The following TWIST2 variants were observed in gnomAD, a reference collection of about 807,000 sequenced individuals.
TWIST2 encodes the protein twist-related protein 2.
Under a neutral mutation model 11.6 loss-of-function variants are expected in TWIST2, and 1 was observed. That is an observed-to-expected ratio of 0.09 (90% CI 0.03 to 0.41). The LOEUF (loss-of-function observed/expected upper bound fraction) is 0.41. TWIST2 is among the 10% of genes least tolerant of loss of function. TWIST2 has a pLI of 0.98. For missense variants in TWIST2, 168 were observed against 226.4 expected, an observed-to-expected ratio of 0.74 and a Z score of 1.66; for synonymous variants, 87 against 96.6, an observed-to-expected ratio of 0.90 and a Z score of 0.58.
At chr2:238,881,479 A>G (rs1253500315) in intron 1 of TWIST2, among the ~76,000 whole-genome samples, 1 of 151,794 alleles carries the variant, frequency 6.6e-6, no homozygotes, top group Non-Finnish European at 1.5e-5. Flanking sequence ...TAGTGTTAGT[A>G]TCTATTAGTG....
chr2:238,848,162 G>C lies in TWIST2; in HGVS notation c.-54G>C. The C allele has an allele frequency of 8.4e-7, 1 of 1,185,934 alleles. No individual in the cohort carries two copies. Among genetic ancestry groups the C allele is most frequent in the African/African-American group, 1.6e-5 (1 of 62,466 alleles). 73.5% of individuals were successfully genotyped at this position (1,185,934 alleles called of 1,614,324 possible). A position where few individuals can be genotyped will look rare whatever the true frequency, so the allele number is the denominator to read the frequency against. The stretch of plus-strand genomic sequence containing the variant: ...CTCGGCGACCGCGGGCTTGGCCAGC[G>C]GCGCGCGCTCGGCGCCCCGGCGCCC... On this transcript the variant is annotated 5_prime_UTR_variant, in exon 1 of 2. Transcript: ENST00000612363.
chr2:238,877,961 G>C (rs1350483552), intron 1 of TWIST2, among the ~76,000 whole-genome samples: 1 of 152,156 alleles, frequency 6.6e-6, no homozygotes, highest in Admixed American at 6.5e-5. Context: ...AAAACGCAAT[G>C]AAATGGAACT....
chr2:238,857,432 G>A (rs1185677436), intron 1 of TWIST2, among the ~76,000 whole-genome samples: 3 of 152,136 alleles, frequency 2.0e-5, no homozygotes, highest in Non-Finnish European at 2.9e-5. Context: ...ATTTAATAGC[G>A]ATAGATCTAA....
Position 238,862,771 on chromosome 2 carries a change from C to T in TWIST2, c.*35+14038C>T, listed in dbSNP as rs545717714. On this transcript the variant is annotated intron_variant, in intron 1 of 1. Coordinates refer to ENST00000612363, the MANE Select transcript of TWIST2 (RefSeq NM_001271893.4). ...TTCATATCAGCTTCATTAATATTGG[C>T]GACAAAATTAAAATGTCCTGGGAAA... is the stretch of plus-strand genomic sequence containing the variant. Among the ~76,000 whole-genome samples the T allele has an allele frequency of 2.0e-4, 30 of 152,238 alleles. No homozygotes were observed. In the South Asian group the frequency reaches 2.5e-3, roughly 13 times the overall value.
chr2:238,893,538 C>G (rs1383508118), intron 1 of TWIST2, among the ~76,000 whole-genome samples: 2 of 152,204 alleles, frequency 1.3e-5, no homozygotes, highest in Admixed American at 6.5e-5. Flanking sequence ...GCCTGGACAC[C>G]TAGGCTTAAT....
At chr2:238,883,668 G>A (rs1692979756) in intron 1 of TWIST2, among the ~76,000 whole-genome samples, 1 of 152,132 alleles carries the variant, frequency 6.6e-6, no homozygotes, top group East Asian at 1.9e-4. Context: ...GGCCAGGAAG[G>A]GGCTCCGAGC....
chr2:238,905,385 C>T (rs1031030194), intron 1 of TWIST2, among the ~76,000 whole-genome samples: 17,113 of 152,228 alleles, frequency 0.11, 1,364 homozygotes, highest in African/African-American at 0.22. Context: ...GAGGCGCTCC[C>T]CAGCCCCAGA....
intron 1 of TWIST2, among the ~76,000 whole-genome samples, chr2:238,849,621 G>C (rs1414603984): frequency 2.6e-5 from 4 of 152,320 alleles, no homozygotes; most frequent in African/African-American, 9.6e-5. Context: ...AACGGGTCTG[G>C]GGGACAGGGA....
At chr2:238,901,266 C>G (rs981791733) in intron 1 of TWIST2, among the ~76,000 whole-genome samples, 1 of 152,198 alleles carries the variant, frequency 6.6e-6, no homozygotes, top group Non-Finnish European at 1.5e-5. Context: ...TGTGAGCCAC[C>G]GTGCCGGCCT....
intron 1 of TWIST2, among the ~76,000 whole-genome samples, chr2:238,862,182 G>C (rs928893352): frequency 8.0e-5 from 12 of 149,654 alleles, no homozygotes; most frequent in African/African-American, 2.8e-4. Flanking sequence ...CCGACCATCT[G>C]CTTCCAAAAG....
At chr2:238,855,983 T>C (rs765051826) in intron 1 of TWIST2, among the ~76,000 whole-genome samples, 2 of 152,202 alleles carry the variant, frequency 1.3e-5, no homozygotes, top group Non-Finnish European at 2.9e-5. Flanking sequence ...ATCTGTACCC[T>C]AAGAATCCCA....
intron 1 of TWIST2, among the ~76,000 whole-genome samples, chr2:238,891,182 C>T (rs1003937651): frequency 2.0e-5 from 3 of 152,224 alleles, no homozygotes; most frequent in Non-Finnish European, 4.4e-5. Flanking sequence ...TGCAGGAGAT[C>T]TCGAACACGT....
chr2:238,900,670 C>T (rs1329885923), intron 1 of TWIST2, among the ~76,000 whole-genome samples: 1 of 152,186 alleles, frequency 6.6e-6, no homozygotes, highest in Non-Finnish European at 1.5e-5. Flanking sequence ...CGGGGCTGCC[C>T]TGCTCTTTCC....
chr2:238,890,983 T>C (rs969630091), intron 1 of TWIST2, among the ~76,000 whole-genome samples: 2 of 152,212 alleles, frequency 1.3e-5, no homozygotes, highest in African/African-American at 4.8e-5. Context: ...ATTTGTGGGC[T>C]GATAAGAATC....
At chr2:238,905,970 T>C (rs1293833351) in intron 1 of TWIST2, among the ~76,000 whole-genome samples, 1,713 of 138,214 alleles carry the variant, frequency 0.012, 25 homozygotes, top group African/African-American at 0.048. Context: ...TGTGCGTGTG[T>C]GTGCGCGCGC....
intron 1 of TWIST2, among the ~76,000 whole-genome samples, chr2:238,858,717 A>G (rs543337141): frequency 1.3e-5 from 2 of 152,352 alleles, no homozygotes; most frequent in African/African-American, 4.8e-5. Flanking sequence ...TAGAATTCTA[A>G]GAGCCAATAT....
intron 1 of TWIST2, among the ~76,000 whole-genome samples, chr2:238,884,858 G>A (rs1161039457): frequency 1.3e-5 from 2 of 152,218 alleles, no homozygotes; most frequent in Non-Finnish European, 2.9e-5. Flanking sequence ...AAGATTCCAG[G>A]GCTGAGCTGC....
At chr2:238,874,920 T>G (rs769056307) in intron 1 of TWIST2, among the ~76,000 whole-genome samples, 1 of 152,142 alleles carries the variant, frequency 6.6e-6, no homozygotes, top group Non-Finnish European at 1.5e-5. Context: ...CACGGCCCCT[T>G]CTTTGTGGAA....
At chr2:238,869,192 G>A (rs1692601732) in intron 1 of TWIST2, among the ~76,000 whole-genome samples, 2 of 152,220 alleles carry the variant, frequency 1.3e-5, no homozygotes, top group African/African-American at 4.8e-5. Flanking sequence ...TCCAAGTGCG[G>A]TGAGGAGTAC....
Sources: gnomAD v4.1 joint callset for allele counts (sites outside exome capture counted in the v4.1 genomes callset) on GRCh38, gnomAD v4.1.1 for gene constraint, MANE v1.5 for transcripts, NCBI Gene and HGNC (gene_info 2026-07-23, HGNC 2026-07-21) for gene names.